The following KDM4A variants were observed in gnomAD, a reference collection of about 807,000 sequenced individuals.
KDM4A encodes lysine-specific demethylase 4A.
KDM4A carries 23 observed loss-of-function variants against 127.1 expected under a neutral mutation model. The observed-to-expected ratio is 0.18, with a 90% CI of 0.13 to 0.26. The LOEUF (loss-of-function observed/expected upper bound fraction) is 0.26, where lower values mean the gene tolerates loss of function less well. Among genes scored for constraint, KDM4A ranks in the 10% least tolerant of loss-of-function variants. KDM4A has a pLI of 1.00. For synonymous variants in KDM4A, 443 were observed against 466.5 expected (o/e 0.95, Z 0.65); for missense variants, 890 against 1,329.1 (o/e 0.67, Z 5.14).
Position 43,662,570 on chromosome 1 carries a change from G to A in KDM4A, c.430-324G>A, listed in dbSNP as rs180714127. Among the ~76,000 whole-genome samples, 394 of 152,316 alleles carry A rather than the reference G, an allele frequency of 2.6e-3. 1 individual carries two copies. Among genetic ancestry groups the A allele is most frequent in the Non-Finnish European group, 4.0e-3 (270 of 68,034 alleles). Reference sequence around the variant, plus strand: ...TGCAGTGAGCCAAGATCATGCCACTGCACTCCAGCCTGAGCAACAGAGCGA... The same window carrying A: ...TGCAGTGAGCCAAGATCATGCCACTACACTCCAGCCTGAGCAACAGAGCGA... On this transcript the variant is annotated intron_variant, in intron 4 of 21. Coordinates refer to ENST00000372396, the MANE Select transcript of KDM4A (RefSeq NM_014663.3).
intron 10 of KDM4A, among the ~76,000 whole-genome samples, chr1:43,669,555 G>A (rs1660572714): frequency 6.6e-6 from 1 of 152,116 alleles, no homozygotes; most frequent in African/African-American, 2.4e-5. Flanking sequence ...CTCTTACAAG[G>A]TAAGTAGGAC....
intron 10 of KDM4A, 108 bp from the exon 11 acceptor site, chr1:43,671,397 C>G (rs890798190): frequency 1.6e-6 from 2 of 1,237,284 alleles, no homozygotes; most frequent in Non-Finnish European, 2.2e-6. Context: ...GGATTGGAAG[C>G]CAGGTCCCAT....
intron 4 of KDM4A, among the ~76,000 whole-genome samples, chr1:43,662,306 G>T (rs1272642723): frequency 6.6e-6 from 1 of 151,770 alleles, no homozygotes; most frequent in African/African-American, 2.4e-5. Flanking sequence ...TTTCCTCTTG[G>T]GGTTTCAAAC....
intron 9 of KDM4A, 88 bp downstream of exon 9, chr1:43,668,107 T>TTTTTG (rs1334731031): frequency 5.9e-6 from 9 of 1,530,074 alleles, no homozygotes; most frequent in Middle Eastern, 2.4e-4. Context: ...TTTCTTGTTT[T>TTTTTG]TTTTGTTTTG....
intron 11 of KDM4A, among the ~76,000 whole-genome samples, chr1:43,679,592 A>G (rs2154047866): frequency 6.6e-6 from 1 of 152,128 alleles, no homozygotes; most frequent in Non-Finnish European, 1.5e-5. Context: ...CATCTATGTC[A>G]AGGGCCTTTT....
At chr1:43,685,701 G>A (rs1186714654) in intron 12 of KDM4A, among the ~76,000 whole-genome samples, 2 of 152,174 alleles carry the variant, frequency 1.3e-5, no homozygotes, top group African/African-American at 4.8e-5. Context: ...CCAGGAGGCA[G>A]AATTTGCAGT....
Position 43,694,780 on chromosome 1 carries a change from C to T in KDM4A, c.2556C>T (p.Cys852=). 1.2e-6 allele frequency: 2 copies of T among 1,614,100 alleles called. No individual in the cohort carries two copies. ...GTGTGCAGTGTTCTCACGGCCGCTG[C>T]CCAACTGCCTTCCATGTGAGCTGCG... is the stretch of plus-strand genomic sequence containing the variant. ...GCCVQCSHGR[C]PTAFHVSCAQ... The change falls in exon 18 of 22, where the codon TGC becomes TGT. Residue 852 remains cysteine, a synonymous_variant. Transcript: ENST00000372396. The surrounding 1 kb of genome is among the most constrained non-coding windows in gnomAD (Gnocchi z 5.2).
rs1407464792 is a variant in KDM4A at position 43,660,221 on chromosome 1, G to T, written c.315-77G>T. On this transcript the variant is annotated intron_variant, in intron 3 of 21. Transcript: ENST00000372396. ...AATTCTTGCTGTCACTGGAATAGGG[G>T]ATTATGTCTTGTAATGTTCATAATG... The T allele has an allele frequency of 2.1e-6, 3 of 1,444,654 alleles. No homozygotes were observed. The Admixed American group carries it at 5.3e-5, about 26-fold the overall frequency. The allele number at this position is 1,444,654 out of a possible 1,614,324, so 89.5% of individuals were successfully genotyped here. A position where few individuals can be genotyped will look rare whatever the true frequency, so the allele number is the denominator to read the frequency against.
Position 43,669,135 on chromosome 1 carries a change from G to T in KDM4A, c.1199G>T (p.Arg400Leu). 6.2e-7 allele frequency: 1 copy of T among 1,614,190 alleles called. No individual in the cohort carries two copies. The highest frequency in any genetic ancestry group is 2.2e-5 in the East Asian group (1 of 44,884). The change falls in exon 10 of 22, where the codon CGA becomes CTA. Residue 400 changes from arginine (R) to leucine (L), a missense_variant. This residue lies in a region of KDM4A where 389 missense variants were observed against 485.9 expected (regional missense o/e 0.80). Transcript: ENST00000372396. ...CACCGAATAGGGACAAAGAGGCACC[G>T]AGTTTGTCTTGAAATACCACAGGAG... ...AKHRIGTKRH[R>L]VCLEIPQEVS... is the part of the protein sequence containing the mutation.
At chr1:43,669,950 C>T (rs777757595) in intron 10 of KDM4A, among the ~76,000 whole-genome samples, 1 of 152,166 alleles carries the variant, frequency 6.6e-6, no homozygotes, top group Non-Finnish European at 1.5e-5. Context: ...AGCCACTGTT[C>T]CCAGCAGAGA....
intron 9 of KDM4A, among the ~76,000 whole-genome samples, chr1:43,668,755 C>T (rs190282555): frequency 6.6e-6 from 1 of 152,150 alleles, no homozygotes; most frequent in African/African-American, 2.4e-5. Flanking sequence ...GGGATCTGTG[C>T]TCTGAGGAGA....
intron 20 of KDM4A, 121 bp from the exon 21 acceptor site, chr1:43,703,899 G>A: frequency 7.7e-7 from 1 of 1,298,478 alleles, no homozygotes; most frequent in Non-Finnish European, 1.1e-6. Context: ...TGTGAAGTAA[G>A]GTAGTTGTTA....
chr1:43,677,602 C>T (rs1198826839), intron 11 of KDM4A, among the ~76,000 whole-genome samples: 1 of 152,112 alleles, frequency 6.6e-6, no homozygotes, highest in African/African-American at 2.4e-5. Context: ...TTTTTCCTCA[C>T]CATTGACTTA....
intron 5 of KDM4A, among the ~76,000 whole-genome samples, chr1:43,664,369 C>T (rs964059631): frequency 6.6e-6 from 1 of 151,934 alleles, no homozygotes; most frequent in Non-Finnish European, 1.5e-5. Context: ...GAGTTGGAGA[C>T]CAGCCTGGCC....
chr1:43,666,460 C>G lies in KDM4A; in HGVS notation c.682C>G (p.Pro228Ala). The G allele has an allele frequency of 6.2e-7, 1 of 1,613,932 alleles. No individual in the cohort carries two copies. Among genetic ancestry groups the G allele is most frequent in the South Asian group, 1.1e-5 (1 of 91,064 alleles). Residue 228 changes from proline (P) to alanine (A), a missense_variant, in exon 7 of 22, where the codon CCA becomes GCA. By Grantham distance (27) the Pro-to-Ala change is conservative. Transcript: ENST00000372396. ...CCCTTTCAATTAAATAGGCTTTTTCCCAGGAAGTGCTCAAAGCTGTGAGGC... is the reference window on the plus strand; with the variant it reads ...CCCTTTCAATTAAATAGGCTTTTTCGCAGGAAGTGCTCAAAGCTGTGAGGC... ...RLERLAKGFF[P>A]GSAQSCEAFL...
Position 43,703,659 on chromosome 1 carries a change from G to A in KDM4A, c.2884G>A (p.Val962Met), listed in dbSNP as rs1262068230. 5 of 1,614,118 alleles carry A rather than the reference G, an allele frequency of 3.1e-6. No homozygotes were observed. Among genetic ancestry groups the A allele is most frequent in the Non-Finnish European group, 4.2e-6 (5 of 1,179,992 alleles). The change falls in exon 20 of 22, where the codon GTG becomes ATG. Residue 962 changes from valine (V) to methionine (M), a missense_variant. Physicochemically the swap from Val to Met is conservative, Grantham distance 21 (BLOSUM62 1). Around this residue, in one of 7 missense-constraint regions of KDM4A, gnomAD observed 246 missense variants for 418.4 expected, o/e 0.59. Transcript: ENST00000372396. ...LQFGPPAEGEVVQVRWTDGQV... is the reference protein window; with the variant it reads ...LQFGPPAEGEMVQVRWTDGQV... The stretch of plus-strand genomic sequence containing the variant: ...GTTTGGTCCTCCTGCTGAAGGGGAA[G>A]TGGTCCAAGTGAGATGGACAGACGG...
chr1:43,669,266 G>C lies in KDM4A; in HGVS notation c.1330G>C (p.Val444Leu), dbSNP rs752841869. The change falls in exon 10 of 22, where the codon GTG (valine) becomes CTG (leucine). Residue 444 changes from valine (V) to leucine (L), a missense_variant. Around this residue, in one of 7 missense-constraint regions of KDM4A, gnomAD observed 389 missense variants for 485.9 expected, o/e 0.80. Transcript: ENST00000372396. ...LAPVRPTHSS[V>L]RQVEDGLTFP... ...CCCTGTGAGGCCCACCCATAGCTCTGTGCGGCAAGTTGAGGATGGTCTTAC... is the reference window on the plus strand; with the variant it reads ...CCCTGTGAGGCCCACCCATAGCTCTCTGCGGCAAGTTGAGGATGGTCTTAC... 4 of 1,614,094 alleles carry C rather than the reference G, an allele frequency of 2.5e-6. No individual in the cohort carries two copies. Among genetic ancestry groups the C allele is most frequent in the East Asian group, 2.2e-5 (1 of 44,900 alleles).
intron 2 of KDM4A, chr1:43,653,526 AG>A (rs1660167361): frequency 2.5e-6 from 1 of 405,942 alleles, no homozygotes; most frequent in Admixed American, 4.4e-5. Flanking sequence ...ATCTTCAGAA[AG>A]GGGGAGGTAA....
At chr1:43,700,562 C>T (rs1196931307) in intron 19 of KDM4A, among the ~76,000 whole-genome samples, 2 of 151,548 alleles carry the variant, frequency 1.3e-5, no homozygotes, top group African/African-American at 2.4e-5. Flanking sequence ...GTTGACCAAG[C>T]ACCTCCCGAG....
Sources: gnomAD v4.1 joint callset for allele counts (sites outside exome capture counted in the v4.1 genomes callset) on GRCh38, gnomAD v4.1.1 for gene constraint, gnomAD v4.1.1 regional missense constraint, Gnocchi (gnomAD v3.1) non-coding constraint, MANE v1.5 for transcripts, NCBI Gene and HGNC (gene_info 2026-07-23, HGNC 2026-07-21) for gene names.